The following SGMS1 variants were observed in gnomAD, a reference collection of about 807,000 sequenced individuals.
SGMS1 encodes sphingomyelin synthase 1, also known as phosphatidylcholine:ceramide cholinephosphotransferase 1.
SGMS1 carries 13 observed loss-of-function variants against 46.2 expected under a neutral mutation model. That is an observed-to-expected ratio of 0.28 (90% CI 0.18 to 0.45). The LOEUF is 0.45. Ranked by LOEUF, SGMS1 falls within the 20% of genes least tolerant of loss-of-function variation. SGMS1 has a pLI of 1.00. For missense variants in SGMS1, 324 were observed against 519.9 expected (o/e 0.62, Z 3.66); for synonymous variants, 203 against 187.8 (o/e 1.08, Z -0.66).
intron 1 of SGMS1, among the ~76,000 whole-genome samples, chr10:50,598,230 T>A (rs1044063032): frequency 2.0e-5 from 3 of 151,862 alleles, no homozygotes; most frequent in African/African-American, 7.3e-5. Flanking sequence ...GAGAGATGAC[T>A]TCTCTCTCTG....
In SGMS1 at chr10:50,343,975, G is replaced by A. The variant is rs776965367; in HGVS notation, c.140C>T (p.Pro47Leu). The change falls in exon 7 of 11, where the codon CCC (proline) becomes CTC (leucine). Residue 47 changes from proline (P) to leucine (L), a missense_variant. By Grantham distance (98) the Pro-to-Leu change is moderately conservative (BLOSUM62 -3). Around this residue, in one of 2 missense-constraint regions of SGMS1, gnomAD observed 150 missense variants for 169.8 expected, o/e 0.88. Transcript: ENST00000361781. ...INLTQEDFKK[P>L]PLCRVSSDNG... is the part of the protein sequence containing the mutation. ...GTCAGAGGAGACTCGGCACAAGGGG[G>A]GTTTTTTGAAATCCTCTTGGGTTAG... The A allele has an allele frequency of 6.2e-7, 1 of 1,614,178 alleles. No homozygotes were observed. Among genetic ancestry groups the A allele is most frequent in the Non-Finnish European group, 8.5e-7 (1 of 1,180,040 alleles).
intron 3 of SGMS1, among the ~76,000 whole-genome samples, chr10:50,489,572 T>C (rs1031021132): frequency 3.9e-5 from 6 of 152,228 alleles, no homozygotes; most frequent in African/African-American, 1.2e-4. Flanking sequence ...GAAATAGCTT[T>C]TCCAAAATAG....
chr10:50,395,988 T>A (rs896297738), intron 6 of SGMS1, among the ~76,000 whole-genome samples: 12 of 152,232 alleles, frequency 7.9e-5, no homozygotes, highest in Non-Finnish European at 1.3e-4. Context: ...CTGAAAAAGT[T>A]ATTTCCACCC....
intron 6 of SGMS1, among the ~76,000 whole-genome samples, chr10:50,430,242 T>G (rs544873932): frequency 6.6e-6 from 1 of 152,216 alleles, no homozygotes; most frequent in Admixed American, 6.5e-5. Context: ...AATGAAAAGT[T>G]GAAAACAAAA....
At chr10:50,392,517 T>C (rs1450358180) in intron 6 of SGMS1, among the ~76,000 whole-genome samples, 2 of 152,182 alleles carry the variant, frequency 1.3e-5, no homozygotes, top group Non-Finnish European at 2.9e-5. Context: ...TAGGTTCTAC[T>C]GAGACGTGAA....
chr10:50,595,245 G>A (rs985044455), intron 1 of SGMS1, among the ~76,000 whole-genome samples: 4 of 151,500 alleles, frequency 2.6e-5, no homozygotes, highest in African/African-American at 7.3e-5. Context: ...GCACGATCTC[G>A]GCTCACTGCC....
chr10:50,404,434 C>T (rs1242281198), intron 6 of SGMS1, among the ~76,000 whole-genome samples: 2 of 151,804 alleles, frequency 1.3e-5, no homozygotes, highest in Non-Finnish European at 2.9e-5. Flanking sequence ...CAGTGAGACC[C>T]CCATCTCTAT....
chr10:50,601,290 T>C (rs1366261355), intron 1 of SGMS1, among the ~76,000 whole-genome samples: 1 of 152,224 alleles, frequency 6.6e-6, no homozygotes, highest in Non-Finnish European at 1.5e-5. Flanking sequence ...TTTCACAAGA[T>C]ACAGGAAGAA....
At chr10:50,566,873 C>A (rs1007764857) in intron 2 of SGMS1, among the ~76,000 whole-genome samples, 2 of 152,174 alleles carry the variant, frequency 1.3e-5, no homozygotes, top group African/African-American at 2.4e-5. Context: ...ACTTATCAAT[C>A]CTAACACAAC....
chr10:50,434,672 C>A (rs1022502209), intron 5 of SGMS1, among the ~76,000 whole-genome samples: 1 of 149,452 alleles, frequency 6.7e-6, no homozygotes, highest in Non-Finnish European at 1.5e-5. Flanking sequence ...GTCAGGAGAT[C>A]GAGACCATCC....
chr10:50,546,280 A>G (rs988749258), intron 2 of SGMS1, among the ~76,000 whole-genome samples: 3 of 152,184 alleles, frequency 2.0e-5, no homozygotes, highest in African/African-American at 7.2e-5. Flanking sequence ...TAAAACCACA[A>G]GATGGAGTTT....
At chr10:50,384,919 ATCT>A (rs1848661283) in intron 6 of SGMS1, among the ~76,000 whole-genome samples, 1 of 152,168 alleles carries the variant, frequency 6.6e-6, no homozygotes, top group South Asian at 2.1e-4. Flanking sequence ...TAAATGACAT[ATCT>A]TCTTTTTAAT....
chr10:50,468,112 A>G (rs1320062413), intron 3 of SGMS1, among the ~76,000 whole-genome samples: 4 of 152,216 alleles, frequency 2.6e-5, no homozygotes, highest in African/African-American at 9.6e-5. Flanking sequence ...AAGCTAGATG[A>G]AATTACTAAT....
intron 3 of SGMS1, among the ~76,000 whole-genome samples, chr10:50,483,762 T>A (rs11005882): frequency 6.6e-6 from 1 of 151,966 alleles, no homozygotes; most frequent in Non-Finnish European, 1.5e-5. Flanking sequence ...CACAACTATA[T>A]GGAAATTGAT....
At chr10:50,432,527 T>C (rs1446441029) in intron 6 of SGMS1, among the ~76,000 whole-genome samples, 1 of 145,560 alleles carries the variant, frequency 6.9e-6, no homozygotes, top group East Asian at 2.0e-4. Context: ...CCTTCTGACA[T>C]TGCCAGCTTG....
At chr10:50,347,289 T>A (rs1380331533) in intron 6 of SGMS1, among the ~76,000 whole-genome samples, 1 of 152,164 alleles carries the variant, frequency 6.6e-6, no homozygotes. Flanking sequence ...AATGTGTAGA[T>A]GGCTTAATGG....
chr10:50,327,658 C>T (rs1847552750), intron 7 of SGMS1, among the ~76,000 whole-genome samples: 1 of 152,200 alleles, frequency 6.6e-6, no homozygotes, highest in Admixed American at 6.5e-5. Context: ...CACTCAGTAT[C>T]TGTGGTTAAA....
intron 3 of SGMS1, among the ~76,000 whole-genome samples, chr10:50,487,861 A>G (rs1438553014): frequency 6.6e-6 from 1 of 152,106 alleles, no homozygotes; most frequent in Non-Finnish European, 1.5e-5. Flanking sequence ...ATTGGGTTTT[A>G]TCCAATTGAA....
intron 1 of SGMS1, among the ~76,000 whole-genome samples, chr10:50,601,660 G>C (rs1838651017): frequency 1.3e-5 from 2 of 152,172 alleles, no homozygotes; most frequent in Admixed American, 1.3e-4. Context: ...TCTTCTTCTA[G>C]CATGCTATTG....
Sources: gnomAD v4.1 joint callset for allele counts (sites outside exome capture counted in the v4.1 genomes callset) on GRCh38, gnomAD v4.1.1 for gene constraint, gnomAD v4.1.1 regional missense constraint, MANE v1.5 for transcripts, NCBI Gene and HGNC (gene_info 2026-07-23, HGNC 2026-07-21) for gene names.